Variants in TAX1BP1 observed in about 807,000 individuals in gnomAD.
TAX1BP1 encodes tax1-binding protein 1.
A neutral mutation model predicts 97.7 loss-of-function variants in TAX1BP1; 62 were observed. That is an observed-to-expected ratio of 0.63 (90% CI 0.52 to 0.78). The LOEUF is 0.78. Among genes scored for constraint, TAX1BP1 ranks in the 30% least tolerant of loss-of-function variants. The pLI, the probability that TAX1BP1 is intolerant of heterozygous loss-of-function variation, is 0.00. For missense variants in TAX1BP1, 867 were observed against 916.1 expected, an observed-to-expected ratio of 0.95 and a Z score of 0.69; for synonymous variants, 340 against 304.2, an observed-to-expected ratio of 1.12 and a Z score of -1.23.
intron 3 of TAX1BP1, 156 bp downstream of exon 3, chr7:27,758,289 G>A (rs903291231): frequency 4.1e-6 from 2 of 488,408 alleles, no homozygotes; most frequent in African/African-American, 2.0e-5. Flanking sequence ...GAATGTAACT[G>A]TCTGGTGTAG....
At chr7:27,768,938 TGA>T (rs1310229378) in intron 4 of TAX1BP1, among the ~76,000 whole-genome samples, 1 of 152,032 alleles carries the variant, frequency 6.6e-6, no homozygotes, top group Non-Finnish European at 1.5e-5. Flanking sequence ...GTCTTCCCTG[TGA>T]GTCTTCATTC....
chr7:27,771,672 A>G (rs967094838), intron 5 of TAX1BP1, among the ~76,000 whole-genome samples: 1 of 152,038 alleles, frequency 6.6e-6, no homozygotes, highest in East Asian at 1.9e-4. Context: ...CTTGGTGCTC[A>G]GAAGAGGTCT....
intron 3 of TAX1BP1, among the ~76,000 whole-genome samples, chr7:27,762,330 C>A (rs75563704): frequency 6.6e-6 from 1 of 152,048 alleles, no homozygotes; most frequent in African/African-American, 2.4e-5. Flanking sequence ...AAACTTCTTT[C>A]CTGAAAGCTG....
At position 27,787,665 on chromosome 7, in the gene TAX1BP1, A is replaced by G. The variant is rs1789539703; in HGVS notation, c.1038+62A>G. ...AACATACCTATGAAATGTATGCAAT[A>G]TGATTTTCATTTTTAATTCCCCCAA... is the stretch of plus-strand genomic sequence containing the variant. On this transcript the variant is annotated intron_variant, in intron 8 of 16. Coordinates refer to ENST00000396319, the MANE Select transcript of TAX1BP1 (RefSeq NM_006024.7). The G allele has an allele frequency of 5.1e-6, 7 of 1,379,992 alleles. No individual in the cohort carries two copies. In the South Asian group the frequency reaches 1.2e-4, roughly 23 times the overall value. 85.5% of individuals were successfully genotyped at this position (1,379,992 alleles called of 1,614,324 possible).
intron 5 of TAX1BP1, among the ~76,000 whole-genome samples, chr7:27,771,486 T>C (rs1328043026): frequency 4.6e-5 from 7 of 151,582 alleles, no homozygotes; most frequent in South Asian, 2.1e-4. Flanking sequence ...CATATATATA[T>C]ACACACACAC....
chr7:27,799,758 C>A (rs1397774356), intron 12 of TAX1BP1, among the ~76,000 whole-genome samples: 1 of 151,884 alleles, frequency 6.6e-6, no homozygotes, highest in Non-Finnish European at 1.5e-5. Context: ...TGTACATCTG[C>A]CTTATTTAAA....
At chr7:27,795,182 A>G (rs1789872312) in intron 11 of TAX1BP1, among the ~76,000 whole-genome samples, 1 of 152,224 alleles carries the variant, frequency 6.6e-6, no homozygotes. Flanking sequence ...ACTATTAAAT[A>G]TTAGGTTTAT....
At chr7:27,764,457 C>G (rs115279655) in intron 3 of TAX1BP1, among the ~76,000 whole-genome samples, 1,667 of 152,196 alleles carry the variant, frequency 0.011, 28 homozygotes, top group African/African-American at 0.036. Context: ...CAGTATTGTA[C>G]CTTTCTCAGT....
chr7:27,828,879 A>AC lies in TAX1BP1; in HGVS notation c.*50_*51insC. On this transcript the variant is annotated 3_prime_UTR_variant, in exon 17 of 17. Transcript: ENST00000396319. ...AGTTTAGCAGTAAAAAAAAAAAAAA[A>AC]AACCACACCTAAAATAGACCACTGA... The AC allele has an allele frequency of 6.8e-7, 1 of 1,466,810 alleles. No individual in the cohort carries two copies. 90.9% of individuals were successfully genotyped at this position (1,466,810 alleles called of 1,614,324 possible).
chr7:27,823,749 T>C lies in TAX1BP1; in HGVS notation c.2086-3989T>C, dbSNP rs1180316515. 2.0e-5 allele frequency among the ~76,000 whole-genome samples: 3 copies of C among 152,292 alleles called. No homozygotes were observed. The East Asian group carries it at 5.8e-4, about 29-fold the overall frequency. ...AACTCTTCATCTTGTAAAACTGAAC[T>C]CCTTACCCATTAAACAACAACTCCC... On this transcript the variant is annotated intron_variant, in intron 15 of 16. Transcript: ENST00000396319.
At chr7:27,760,444 G>A (rs140117548) in intron 3 of TAX1BP1, among the ~76,000 whole-genome samples, 5,503 of 150,078 alleles carry the variant, frequency 0.037, 306 homozygotes, top group African/African-American at 0.13. Context: ...CCAGGCTGGA[G>A]TGCAGTGGCG....
intron 13 of TAX1BP1, among the ~76,000 whole-genome samples, chr7:27,815,515 A>G (rs993079325): frequency 6.6e-6 from 1 of 151,980 alleles, no homozygotes; most frequent in Non-Finnish European, 1.5e-5. Flanking sequence ...ATCATGTTTT[A>G]TTTTTTAATA....
intron 13 of TAX1BP1, among the ~76,000 whole-genome samples, chr7:27,809,440 A>G (rs1790468418): frequency 6.6e-6 from 1 of 152,154 alleles, no homozygotes; most frequent in Non-Finnish European, 1.5e-5. Flanking sequence ...TTTTTTGCCC[A>G]TGTAAGTTCA....
chr7:27,825,093 T>C (rs1208005695), intron 15 of TAX1BP1, among the ~76,000 whole-genome samples: 1 of 152,144 alleles, frequency 6.6e-6, no homozygotes, highest in Non-Finnish European at 1.5e-5. Flanking sequence ...CCTTGATGAT[T>C]AAGGTTTATT....
intron 3 of TAX1BP1, among the ~76,000 whole-genome samples, chr7:27,761,896 C>T (rs185075878): frequency 1.7e-4 from 26 of 152,254 alleles, no homozygotes; most frequent in Admixed American, 1.4e-3. Context: ...TAGGAAACTG[C>T]GAAACTGTCT....
Position 27,827,783 on chromosome 7 carries a change from T to A in TAX1BP1, c.2131T>A (p.Leu711Ile). 6.2e-7 allele frequency: 1 copy of A among 1,614,018 alleles called. No homozygotes were observed. ...TGCTCCTGATCCTCCAAGTCAACAT[T>A]TACGTGGGCATGGGACAGGCTTTTG... ...PTAPDPPSQHLRGHGTGFCFD... is the reference protein window; with the variant it reads ...PTAPDPPSQHIRGHGTGFCFD... The change falls in exon 16 of 17, where the codon TTA becomes ATA. Residue 711 changes from leucine to isoleucine, a missense_variant. Leu to Ile is a conservative substitution (Grantham distance 5). Around this residue, in one of 3 missense-constraint regions of TAX1BP1, gnomAD observed 822 missense variants for 851.4 expected, o/e 0.97. Transcript: ENST00000396319.
intron 1 of TAX1BP1, among the ~76,000 whole-genome samples, chr7:27,741,799 C>T (rs1198735623): frequency 1.3e-5 from 2 of 152,098 alleles, no homozygotes; most frequent in Admixed American, 6.5e-5. Flanking sequence ...TGGAGGATCC[C>T]GCCAGCCTCT....
intron 12 of TAX1BP1, 58 bp downstream of exon 12, chr7:27,796,277 C>T (rs2128319146): frequency 7.6e-7 from 1 of 1,315,002 alleles, no homozygotes; most frequent in South Asian, 1.4e-5. Flanking sequence ...ACTTAGCTTA[C>T]CTTTATTGTT....
At position 27,784,130 on chromosome 7, in the gene TAX1BP1, A is replaced by G. The variant is rs576693897; in HGVS notation, c.613-1033A>G. 3.3e-5 allele frequency among the ~76,000 whole-genome samples: 5 copies of G among 152,346 alleles called. No individual in the cohort carries two copies. The East Asian group carries it at 5.8e-4, about 18-fold the overall frequency. On this transcript the variant is annotated intron_variant, in intron 5 of 16. Transcript: ENST00000396319. ...TCTTTTATGTGAATTAAAGTGAATT[A>G]TAAATACTATATAATCTTTCATACT...
Sources: gnomAD v4.1 joint callset for allele counts (sites outside exome capture counted in the v4.1 genomes callset) on GRCh38, gnomAD v4.1.1 for gene constraint, gnomAD v4.1.1 regional missense constraint, MANE v1.5 for transcripts, NCBI Gene and HGNC (gene_info 2026-07-23, HGNC 2026-07-21) for gene names.